Variants in EPB41L3 observed in about 807,000 individuals in gnomAD.
The protein encoded by EPB41L3 is band 4.1-like protein 3.
In EPB41L3, 57 loss-of-function variants were observed where a neutral mutation model predicts 127.1. The ratio of observed to expected loss-of-function variants is 0.45; its 90% CI spans 0.36 to 0.56. The LOEUF (loss-of-function observed/expected upper bound fraction) is 0.56. Among genes scored for constraint, EPB41L3 ranks in the 20% least tolerant of loss-of-function variants. EPB41L3 has a pLI of 0.00. For missense variants in EPB41L3, 1,273 were observed against 1,372.2 expected, an observed-to-expected ratio of 0.93 and a Z score of 1.14; for synonymous variants, 572 against 549.5, an observed-to-expected ratio of 1.04 and a Z score of -0.57.
intron 1 of EPB41L3, among the ~76,000 whole-genome samples, chr18:5,511,420 T>G (rs1194392048): frequency 2.8e-5 from 4 of 143,318 alleles, no homozygotes; most frequent in African/African-American, 1.1e-4. Flanking sequence ...TTTTTTTTTT[T>G]TTGTATGTAG....
chr18:5,431,601 T>A (rs891886373), intron 8 of EPB41L3, among the ~76,000 whole-genome samples: 2 of 152,246 alleles, frequency 1.3e-5, no homozygotes, highest in Non-Finnish European at 2.9e-5. Context: ...CACTGATACA[T>A]CCTGAGGTGC....
At chr18:5,488,102 T>C (rs2148251839) in intron 2 of EPB41L3, among the ~76,000 whole-genome samples, 1 of 152,262 alleles carries the variant, frequency 6.6e-6, no homozygotes, top group African/African-American at 2.4e-5. Context: ...AAAACCATAC[T>C]TTAAAACTTT....
chr18:5,557,755 A>C (rs1435487755), intron 3 of EPB41L3, among the ~76,000 whole-genome samples: 1 of 152,192 alleles, frequency 6.6e-6, no homozygotes. Flanking sequence ...GGAATCACTT[A>C]AAAAATTGCA....
intron 3 of EPB41L3, among the ~76,000 whole-genome samples, chr18:5,590,068 G>A (rs2094472412): frequency 6.6e-6 from 1 of 152,150 alleles, no homozygotes; most frequent in Non-Finnish European, 1.5e-5. Context: ...TTTCCACTGA[G>A]GGCGAAGGAG....
At chr18:5,401,319 T>C (rs1006308227) in intron 16 of EPB41L3, among the ~76,000 whole-genome samples, 1 of 152,216 alleles carries the variant, frequency 6.6e-6, no homozygotes, top group Non-Finnish European at 1.5e-5. Flanking sequence ...CAAATGTTCT[T>C]CATTTCTACA....
At chr18:5,398,488 G>T in intron 16 of EPB41L3, 1 of 410,182 alleles carries the variant, frequency 2.4e-6, no homozygotes, top group Non-Finnish European at 4.3e-6. Flanking sequence ...TTGCACTGCG[G>T]TATTGATTTA....
chr18:5,595,737 C>G (rs76496419), intron 3 of EPB41L3, among the ~76,000 whole-genome samples: 4,027 of 152,130 alleles, frequency 0.026, 73 homozygotes, highest in Non-Finnish European at 0.04. Flanking sequence ...ATTTACTGAC[C>G]GATTCTCCAT....
rs531733925 is a variant in EPB41L3, at chr18:5,531,295, G to A, written c.-12+12618C>T. Among the ~76,000 whole-genome samples the A allele has an allele frequency of 3.9e-5, 6 of 152,306 alleles. No individual in the cohort carries two copies. In the South Asian group the frequency reaches 1.2e-3, roughly 32 times the overall value. On this transcript the variant is annotated intron_variant, in intron 1 of 22. Coordinates refer to ENST00000341928, the MANE Select transcript of EPB41L3 (RefSeq NM_012307.5). ...CTTCAAAAGAGGAGGAGTTGTCACA[G>A]CCAAATTCTGGATTTTGGTTAGCCA...
Position 5,489,062 on chromosome 18 carries a change from T to G in EPB41L3, c.122A>C (p.Gln41Pro), listed in dbSNP as rs1417392982. The change falls in exon 2 of 23, where the codon CAG becomes CCG. Residue 41 changes from glutamine to proline, a missense_variant. Gln to Pro is a moderately conservative substitution (Grantham distance 76). This residue lies in a region of EPB41L3 where 182 missense variants were observed against 149.2 expected (regional missense o/e 1.22). Transcript: ENST00000341928. Reference sequence around the variant, plus strand: ...GGCGAACTGCTCCAGGGCCTGCTGCTGCTCCTCCTTGGGCGGCTCCGGCAC... The same window carrying G: ...GGCGAACTGCTCCAGGGCCTGCTGCGGCTCCTCCTTGGGCGGCTCCGGCAC... ...APVPEPPKEE[Q>P]QQALEQFAAA... 6.3e-7 allele frequency: 1 copy of G among 1,596,488 alleles called. No homozygotes were observed. The highest frequency in any genetic ancestry group is 8.5e-7 in the Non-Finnish European group (1 of 1,176,498).
chr18:5,449,115 A>G (rs1312787860), intron 3 of EPB41L3, among the ~76,000 whole-genome samples: 1 of 152,234 alleles, frequency 6.6e-6, no homozygotes, highest in Non-Finnish European at 1.5e-5. Flanking sequence ...GGTACCCAAG[A>G]TATACAAAGA....
intron 3 of EPB41L3, among the ~76,000 whole-genome samples, chr18:5,558,816 ATTACT>A (rs148631169): frequency 0.049 from 7,498 of 152,292 alleles, 342 homozygotes; most frequent in African/African-American, 0.12. Context: ...GTAAAAATAC[ATTACT>A]TTAATTTTCC....
intron 6 of EPB41L3, among the ~76,000 whole-genome samples, chr18:5,436,205 T>C (rs1273217942): frequency 6.6e-6 from 1 of 152,090 alleles, no homozygotes; most frequent in Non-Finnish European, 1.5e-5. Flanking sequence ...ACCTGGTACC[T>C]TGTATATAAG....
At chr18:5,585,022 T>C (rs987506357) in intron 3 of EPB41L3, among the ~76,000 whole-genome samples, 1 of 152,212 alleles carries the variant, frequency 6.6e-6, no homozygotes, top group African/African-American at 2.4e-5. Flanking sequence ...CATAATGATC[T>C]TTTTAATCCC....
At chr18:5,438,554 A>G (rs974948764) in intron 5 of EPB41L3, among the ~76,000 whole-genome samples, 1 of 152,210 alleles carries the variant, frequency 6.6e-6, no homozygotes, top group African/African-American at 2.4e-5. Context: ...GTCATATCCA[A>G]TTATAATAAA....
In EPB41L3 at chr18:5,397,319, C is replaced by T; in HGVS notation, c.2580G>A (p.Glu860=). 2 of 1,614,110 alleles carry T rather than the reference C, an allele frequency of 1.2e-6. No individual in the cohort carries two copies. The highest frequency in any genetic ancestry group is 2.2e-5 in the East Asian group (1 of 44,860). ...CCCCACTCGCGTGCACCACACGCCG[C>T]TCCTCCACCAACACGGTCTCCTGCA... is the stretch of plus-strand genomic sequence containing the variant. ...KVVQETVLVE[E]RRVVHASGDA... Residue 860 remains glutamate (E), a synonymous_variant, in exon 18 of 23, where the codon GAG becomes GAA. Coordinates refer to ENST00000341928, the MANE Select transcript of EPB41L3 (RefSeq NM_012307.5). This position sits in a 1 kb window ranked among gnomAD's most constrained non-coding sequence, Gnocchi z 4.1.
intron 13 of EPB41L3, among the ~76,000 whole-genome samples, chr18:5,411,558 G>A (rs2076197613): frequency 6.6e-6 from 1 of 152,000 alleles, no homozygotes; most frequent in South Asian, 2.1e-4. Flanking sequence ...CTCGAGTAGA[G>A]TAGAGCTGTG....
At chr18:5,396,946 C>T (rs2143757915) in intron 18 of EPB41L3, 112 bp downstream of exon 18, 2 of 1,141,032 alleles carry the variant, frequency 1.8e-6, no homozygotes, top group Middle Eastern at 2.9e-4. Flanking sequence ...ATACACTATA[C>T]ATGGGAGAGG....
chr18:5,487,438 C>T (rs2089947039), intron 2 of EPB41L3, among the ~76,000 whole-genome samples: 1 of 149,994 alleles, frequency 6.7e-6, no homozygotes, highest in Admixed American at 6.7e-5. Context: ...GTACTTATTA[C>T]CACTGAACTG....
At chr18:5,591,950 G>A (rs2094490053) in intron 3 of EPB41L3, among the ~76,000 whole-genome samples, 1 of 152,056 alleles carries the variant, frequency 6.6e-6, no homozygotes, top group South Asian at 2.1e-4. Flanking sequence ...GGACTTTCTA[G>A]ATTTCTTTCC....
Sources: allele counts gnomAD v4.1 joint callset (sites outside exome capture counted in the v4.1 genomes callset), GRCh38; gene constraint gnomAD v4.1.1; regional missense constraint gnomAD v4.1.1; non-coding constraint Gnocchi (gnomAD v3.1); transcripts MANE v1.5; gene names NCBI Gene and HGNC (gene_info 2026-07-23, HGNC 2026-07-21).